ZBTB20: variants seen among roughly 807,000 people sequenced by gnomAD.
ZBTB20 encodes zinc finger and BTB domain containing 20, also known as zinc finger and BTB domain-containing protein 20.
In ZBTB20, 9 loss-of-function variants were observed where a neutral mutation model predicts 56.9. That is an observed-to-expected ratio of 0.16 (90% CI 0.10 to 0.28). The LOEUF (loss-of-function observed/expected upper bound fraction) is 0.28, where lower values mean the gene tolerates loss of function less well. ZBTB20 is among the 10% of genes least tolerant of loss of function. The pLI, the probability that ZBTB20 is intolerant of heterozygous loss-of-function variation, is 1.00. For synonymous variants in ZBTB20, 417 were observed against 420.7 expected (o/e 0.99, Z 0.11); for missense variants, 655 against 1,003.0 (o/e 0.65, Z 4.69).
In ZBTB20 at chr3:114,651,067, T is replaced by C. The variant is rs3846048; in HGVS notation, c.-295+42461A>G. 1.2e-4 allele frequency among the ~76,000 whole-genome samples: 19 copies of C among 152,188 alleles called. No homozygotes were observed. In the South Asian group the frequency reaches 3.9e-3, roughly 32 times the overall value. On this transcript the variant is annotated intron_variant, in intron 6 of 11. Transcript: ENST00000675478. ...ACCACATGACTTGGTAAATATTCAG[T>C]GTATCAAAATGTAGTTGCCATCTGG...
At chr3:115,070,219 T>A (rs1453553938) in intron 2 of ZBTB20, among the ~76,000 whole-genome samples, 1 of 152,166 alleles carries the variant, frequency 6.6e-6, no homozygotes, top group African/African-American at 2.4e-5. Flanking sequence ...CTTTCACAGT[T>A]GTCTAGCCCA....
At chr3:114,477,962 C>CCT (rs144916161) in intron 7 of ZBTB20, among the ~76,000 whole-genome samples, 16,417 of 111,658 alleles carry the variant, frequency 0.15, 1,185 homozygotes, top group Middle Eastern at 0.24. Context: ...TCCCACCCTC[C>CCT]CTCTCTCTCT....
intron 5 of ZBTB20, among the ~76,000 whole-genome samples, chr3:114,764,309 AAAAC>A (rs1490635334): frequency 1.3e-5 from 2 of 151,352 alleles, no homozygotes; most frequent in African/African-American, 4.9e-5. Context: ...AGGGAGGGGC[AAAAC>A]AAACAGATAT....
Position 114,351,745 on chromosome 3 carries a change from G to A in ZBTB20, c.333C>T (p.His111=). The change falls in exon 11 of 12, where the codon CAC becomes CAT. Residue 111 remains histidine, a synonymous_variant. Coordinates refer to ENST00000675478, the MANE Select transcript of ZBTB20 (RefSeq NM_001348800.3). ...GHFCDVTVRI[H]GSMLRAHRCV... ...AGCGGTGTGCGCGCAGCATGCTCCCGTGGATGCGCACCGTTACGTCACAGA... is the reference window on the plus strand; with the variant it reads ...AGCGGTGTGCGCGCAGCATGCTCCCATGGATGCGCACCGTTACGTCACAGA... The A allele has an allele frequency of 6.2e-7, 1 of 1,614,092 alleles. No individual in the cohort carries two copies. The highest frequency in any genetic ancestry group is 8.5e-7 in the Non-Finnish European group (1 of 1,180,026).
intron 6 of ZBTB20, among the ~76,000 whole-genome samples, chr3:114,576,754 A>T (rs915030041): frequency 1.3e-5 from 2 of 149,924 alleles, no homozygotes; most frequent in African/African-American, 4.9e-5. Flanking sequence ...AAATTGCTAG[A>T]TTGATAAAAG....
chr3:114,499,704 G>A (rs1276873506), intron 7 of ZBTB20, among the ~76,000 whole-genome samples: 6 of 151,848 alleles, frequency 4.0e-5, no homozygotes, highest in Non-Finnish European at 5.9e-5. Context: ...AATAATGAAC[G>A]TTCTCTTTTT....
chr3:114,692,109 G>C (rs2062732378), intron 6 of ZBTB20, among the ~76,000 whole-genome samples: 1 of 152,092 alleles, frequency 6.6e-6, no homozygotes, highest in South Asian at 2.1e-4. Context: ...GAAGAAACTG[G>C]CTTGTTTGCA....
intron 10 of ZBTB20, among the ~76,000 whole-genome samples, chr3:114,358,296 G>C (rs2081455767): frequency 6.6e-6 from 1 of 152,080 alleles, no homozygotes; most frequent in South Asian, 2.1e-4. Flanking sequence ...GTTTTACTAA[G>C]TTTGAAGTAT....
At chr3:114,931,371 C>A in intron 3 of ZBTB20, 1 of 241,838 alleles carries the variant, frequency 4.1e-6, no homozygotes. Context: ...TCCCAGAAAA[C>A]CCTAAACCAC....
At chr3:114,425,462 C>T (rs1226646928) in intron 7 of ZBTB20, among the ~76,000 whole-genome samples, 1 of 152,168 alleles carries the variant, frequency 6.6e-6, no homozygotes, top group Non-Finnish European at 1.5e-5. Flanking sequence ...CTGCAGGGTT[C>T]CTTCTAGCCC....
chr3:115,141,623 A>G (rs535197948), intron 1 of ZBTB20, among the ~76,000 whole-genome samples: 2 of 152,362 alleles, frequency 1.3e-5, no homozygotes, highest in East Asian at 3.9e-4. Context: ...TATTCAACAC[A>G]GAGTATGAAG....
intron 3 of ZBTB20, among the ~76,000 whole-genome samples, chr3:114,917,356 T>C (rs888967183): frequency 1.2e-4 from 18 of 152,206 alleles, no homozygotes; most frequent in African/African-American, 4.3e-4. Context: ...CTGAGATTGA[T>C]CCTTGGTGCC....
intron 6 of ZBTB20, among the ~76,000 whole-genome samples, chr3:114,524,651 C>T (rs1258972539): frequency 1.3e-5 from 2 of 152,124 alleles, no homozygotes; most frequent in Non-Finnish European, 2.9e-5. Flanking sequence ...GACTAGATAG[C>T]TACATATCAC....
At chr3:114,892,429 C>T (rs928572332) in intron 4 of ZBTB20, among the ~76,000 whole-genome samples, 3 of 152,150 alleles carry the variant, frequency 2.0e-5, no homozygotes, top group African/African-American at 7.2e-5. Flanking sequence ...CATTATACTC[C>T]CTTATTTTTT....
intron 11 of ZBTB20, among the ~76,000 whole-genome samples, chr3:114,340,303 A>G (rs191136562): frequency 2.2e-4 from 33 of 152,108 alleles, no homozygotes; most frequent in Non-Finnish European, 8.8e-5. Flanking sequence ...ATCACTTTGC[A>G]GACCACCAAG....
At chr3:114,565,250 A>G (rs1217621929) in intron 6 of ZBTB20, among the ~76,000 whole-genome samples, 1 of 152,218 alleles carries the variant, frequency 6.6e-6, no homozygotes, top group Admixed American at 6.5e-5. Context: ...AAGACGGTGA[A>G]ATACAAAAAC....
intron 5 of ZBTB20, among the ~76,000 whole-genome samples, chr3:114,785,903 G>C (rs2070449047): frequency 6.6e-6 from 1 of 152,130 alleles, no homozygotes; most frequent in South Asian, 2.1e-4. Flanking sequence ...ATAATTGAAA[G>C]TGTGTACCCT....
At chr3:114,596,088 A>T (rs2056292279) in intron 6 of ZBTB20, among the ~76,000 whole-genome samples, 1 of 152,182 alleles carries the variant, frequency 6.6e-6, no homozygotes, top group Non-Finnish European at 1.5e-5. Flanking sequence ...TTCTTTGTGT[A>T]GCCAAATTTC....
intron 5 of ZBTB20, among the ~76,000 whole-genome samples, chr3:114,703,251 G>C (rs996240567): frequency 2.0e-5 from 3 of 152,102 alleles, no homozygotes; most frequent in Non-Finnish European, 4.4e-5. Flanking sequence ...GCAGAAGTTA[G>C]GAGGAACACG....
Sources: gnomAD v4.1 joint callset for allele counts (sites outside exome capture counted in the v4.1 genomes callset) on GRCh38, gnomAD v4.1.1 for gene constraint, MANE v1.5 for transcripts, NCBI Gene and HGNC (gene_info 2026-07-23, HGNC 2026-07-21) for gene names.